WDR20: variants seen among roughly 807,000 people sequenced by gnomAD.
WDR20 encodes the protein WD repeat domain 20.
Under a neutral mutation model 38.7 loss-of-function variants are expected in WDR20, and 3 were observed. The observed-to-expected ratio is 0.08, with a 90% CI of 0.04 to 0.20. The LOEUF (loss-of-function observed/expected upper bound fraction) is 0.20, where lower values mean the gene tolerates loss of function less well. Ranked by LOEUF, WDR20 falls within the 10% of genes least tolerant of loss-of-function variation. The pLI, the probability that WDR20 is intolerant of heterozygous loss-of-function variation, is 1.00. For synonymous variants in WDR20, 298 were observed against 285.6 expected, an observed-to-expected ratio of 1.04 and a Z score of -0.44; for missense variants, 559 against 727.7, an observed-to-expected ratio of 0.77 and a Z score of 2.67.
chr14:102,219,801 T>C (rs778451805), downstream of WDR20, among the ~76,000 whole-genome samples: 1 of 152,246 alleles, frequency 6.6e-6, no homozygotes. Flanking sequence ...CGAAGCCTGC[T>C]AACGGGAACC....
intron 2 of WDR20, among the ~76,000 whole-genome samples, chr14:102,203,916 A>AATGTTG (rs1403782892): frequency 6.6e-6 from 1 of 152,178 alleles, no homozygotes; most frequent in African/African-American, 2.4e-5. Flanking sequence ...TATTTAATTA[A>AATGTTG]ATGTTCTAGG....
chr14:102,217,332 A>AGTT (rs1180522273), downstream of WDR20, among the ~76,000 whole-genome samples: 3 of 152,020 alleles, frequency 2.0e-5, no homozygotes, highest in Non-Finnish European at 2.9e-5. Context: ...CTTTTCTTCC[A>AGTT]CCTTCAGATC....
intron 1 of WDR20, among the ~76,000 whole-genome samples, chr14:102,169,869 G>A (rs922668451): frequency 1.3e-5 from 2 of 152,058 alleles, no homozygotes; most frequent in Admixed American, 6.6e-5. Flanking sequence ...TTGGGAATTA[G>A]GTATTGTGAC....
At chr14:102,145,901 G>C (rs780275223) in intron 1 of WDR20, among the ~76,000 whole-genome samples, 9 of 152,038 alleles carry the variant, frequency 5.9e-5, no homozygotes, top group Admixed American at 2.6e-4. Context: ...AGAAGTTACT[G>C]AAGTGGTAAC....
chr14:102,193,021 G>A (rs2058774614), intron 1 of WDR20, among the ~76,000 whole-genome samples: 1 of 151,136 alleles, frequency 6.6e-6, no homozygotes, highest in Non-Finnish European at 1.5e-5. Context: ...AGTCTCAAGA[G>A]TTGAATATGC....
rs1002273872 is a variant in WDR20, at chr14:102,141,914, A to C, written c.249+1742A>C. Among the ~76,000 whole-genome samples, 8 of 152,232 alleles carry C rather than the reference A, an allele frequency of 5.3e-5. No individual in the cohort carries two copies. The South Asian group carries it at 8.3e-4, about 16-fold the overall frequency. ...TTATTAATGTAGGAATTACTTAAAAATTTTTTTTTCTTTGAAATGTTATGA... is the reference window on the plus strand; with the variant it reads ...TTATTAATGTAGGAATTACTTAAAACTTTTTTTTTCTTTGAAATGTTATGA... On this transcript the variant is annotated intron_variant, in intron 1 of 2. Transcript: ENST00000342702.
chr14:102,179,917 C>T (rs2063005818), intron 1 of WDR20, among the ~76,000 whole-genome samples: 1 of 152,182 alleles, frequency 6.6e-6, no homozygotes, highest in Non-Finnish European at 1.5e-5. Flanking sequence ...CTTTATGAGG[C>T]CGAGGCAGGC....
chr14:102,185,720 A>G (rs1013027062), intron 1 of WDR20, among the ~76,000 whole-genome samples: 1 of 152,100 alleles, frequency 6.6e-6, no homozygotes, highest in Non-Finnish European at 1.5e-5. Flanking sequence ...ATGGACACCC[A>G]AGAAGGCATT....
At chr14:102,185,763 T>C (rs77493395) in intron 1 of WDR20, among the ~76,000 whole-genome samples, 2,190 of 150,782 alleles carry the variant, frequency 0.015, 49 homozygotes, top group African/African-American at 0.051. Context: ...AAAAGAATTA[T>C]CGAGATTGCG....
chr14:102,201,121 G>A (rs1752185368), intron 2 of WDR20, among the ~76,000 whole-genome samples: 2 of 152,184 alleles, frequency 1.3e-5, no homozygotes, highest in South Asian at 2.1e-4. Context: ...AACGACATCC[G>A]ATCCCATCTT....
chr14:102,221,121 G>A lies in WDR20; in HGVS notation c.1693-1709G>A, dbSNP rs1169148930. 3.9e-5 allele frequency among the ~76,000 whole-genome samples: 6 copies of A among 152,208 alleles called. No individual in the cohort carries two copies. Among genetic ancestry groups the A allele is most frequent in the Non-Finnish European group, 8.8e-5 (6 of 68,046 alleles). On this transcript the variant is annotated intron_variant, in intron 3 of 3. Transcript: ENST00000335263. The surrounding 1 kb of genome is among the most constrained non-coding windows in gnomAD (Gnocchi z 4.8). ...TGGTAGAGACACCACCTTCCTGTGG[G>A]TGGGGCTGCCTCCTACCTGGAGCAG...
chr14:102,144,287 A>G (rs952343917), intron 1 of WDR20, among the ~76,000 whole-genome samples: 2 of 151,988 alleles, frequency 1.3e-5, no homozygotes, highest in East Asian at 3.9e-4. Flanking sequence ...GTTTGAGACC[A>G]GCCTGGCCAA....
chr14:102,213,188 A>G (rs761352100), downstream of WDR20: 277 of 985,322 alleles, frequency 2.8e-4, no homozygotes, highest in Non-Finnish European at 3.2e-4. Context: ...TCTAAACACT[A>G]CTGGTGGCCC....
At chr14:102,224,115 C>T (rs909156862), downstream of WDR20, among the ~76,000 whole-genome samples, 9 of 149,102 alleles carry the variant, frequency 6.0e-5, no homozygotes, top group Non-Finnish European at 8.9e-5. Flanking sequence ...AATCTCGGCT[C>T]ACTGCAAGCT....
chr14:102,162,080 A>G (rs1486505589), intron 1 of WDR20, among the ~76,000 whole-genome samples: 1 of 152,198 alleles, frequency 6.6e-6, no homozygotes, highest in Non-Finnish European at 1.5e-5. Context: ...GATAGTAGAT[A>G]GGAGAATGAT....
At chr14:102,170,637 T>A (rs1000726780) in intron 1 of WDR20, among the ~76,000 whole-genome samples, 1 of 151,204 alleles carries the variant, frequency 6.6e-6, no homozygotes, top group African/African-American at 2.4e-5. Flanking sequence ...AAAAAAAAAA[T>A]TAAGTTGGTA....
downstream of WDR20, chr14:102,210,540 A>C: frequency 1.0e-6 from 1 of 985,436 alleles, no homozygotes; most frequent in African/African-American, 1.7e-5. Context: ...AGTTTGTAGC[A>C]CTTTGATTGA....
chr14:102,141,145 T>A (rs933565120), intron 1 of WDR20, among the ~76,000 whole-genome samples: 1 of 152,204 alleles, frequency 6.6e-6, no homozygotes, highest in Non-Finnish European at 1.5e-5. Context: ...ATTTTTGAGA[T>A]TGTAGTCTTT....
Position 102,210,155 on chromosome 14 carries a change from A to G in WDR20, c.*275A>G, listed in dbSNP as rs1306447857. 4 of 1,121,238 alleles carry G rather than the reference A, an allele frequency of 3.6e-6. No homozygotes were observed. The highest frequency in any genetic ancestry group is 4.4e-6 in the Non-Finnish European group (4 of 917,078). The allele number at this position is 1,121,238 out of a possible 1,614,324, so 69.5% of individuals were successfully genotyped here. A position where few individuals can be genotyped will look rare whatever the true frequency, so the allele number is the denominator to read the frequency against. On this transcript the variant is annotated 3_prime_UTR_variant, in exon 3 of 3. Transcript: ENST00000342702. Reference sequence around the variant, plus strand: ...CCCAAGGTTAGCGCTCCTGTATTAGACTATTTCAATTTTAGGAAAATCATG... The same window carrying G: ...CCCAAGGTTAGCGCTCCTGTATTAGGCTATTTCAATTTTAGGAAAATCATG...
Sources: allele counts gnomAD v4.1 joint callset (sites outside exome capture counted in the v4.1 genomes callset), GRCh38; gene constraint gnomAD v4.1.1; non-coding constraint Gnocchi (gnomAD v3.1); transcripts MANE v1.5; gene names NCBI Gene and HGNC (gene_info 2026-07-23, HGNC 2026-07-21).